Variants in PCSK5 observed in about 807,000 individuals in gnomAD.
The protein encoded by PCSK5 is prohormone convertase 5.
A neutral mutation model predicts 233.2 loss-of-function variants in PCSK5; 129 were observed. That is an observed-to-expected ratio of 0.55 (90% CI 0.48 to 0.64). PCSK5 has a LOEUF of 0.64. Among genes scored for constraint, PCSK5 ranks in the 30% least tolerant of loss-of-function variants. The pLI is 0.00. For synonymous variants in PCSK5, 825 were observed against 879.2 expected, an observed-to-expected ratio of 0.94 and a Z score of 1.09; for missense variants, 2,076 against 2,430.1, an observed-to-expected ratio of 0.85 and a Z score of 3.06.
chr9:76,048,915 G>T (rs575658068), intron 5 of PCSK5, among the ~76,000 whole-genome samples: 1 of 152,110 alleles, frequency 6.6e-6, no homozygotes, highest in African/African-American at 2.4e-5. Context: ...AAATCATAGC[G>T]AGTGGAGGTA....
chr9:76,041,843 GAAAAAAA>G (rs66491707), intron 5 of PCSK5, among the ~76,000 whole-genome samples: 1 of 131,026 alleles, frequency 7.6e-6, no homozygotes, highest in African/African-American at 2.7e-5. Flanking sequence ...TGTCTCAAGG[GAAAAAAA>G]AAAAAAAAAG....
At chr9:76,078,970 T>C (rs1830735976) in intron 7 of PCSK5, among the ~76,000 whole-genome samples, 1 of 152,190 alleles carries the variant, frequency 6.6e-6, no homozygotes, top group Non-Finnish European at 1.5e-5. Context: ...GAATGTTTTT[T>C]CTATTTGTTT....
intron 1 of PCSK5, among the ~76,000 whole-genome samples, chr9:75,920,409 C>G (rs1823201990): frequency 6.6e-6 from 1 of 152,128 alleles, no homozygotes. Flanking sequence ...CTGCCTCGGC[C>G]TCCCAAAGTG....
chr9:76,167,642 G>A (rs909468522), intron 12 of PCSK5, among the ~76,000 whole-genome samples: 5 of 152,110 alleles, frequency 3.3e-5, no homozygotes, highest in South Asian at 2.1e-4. Flanking sequence ...GATAAAATAC[G>A]TTTTTAAAAA....
intron 10 of PCSK5, among the ~76,000 whole-genome samples, chr9:76,152,795 TAG>T (rs550992502): frequency 1.5e-3 from 221 of 152,352 alleles, no homozygotes; most frequent in Non-Finnish European, 2.5e-3. Context: ...ATCTTTAGAA[TAG>T]AGTCTTTTAG....
chr9:76,225,450 T>C (rs1380014272), intron 20 of PCSK5, among the ~76,000 whole-genome samples: 1 of 152,162 alleles, frequency 6.6e-6, no homozygotes, highest in African/African-American at 2.4e-5. Context: ...GAAAGATACA[T>C]AGATATCATC....
intron 5 of PCSK5, among the ~76,000 whole-genome samples, chr9:76,047,044 G>A (rs1829439619): frequency 6.6e-6 from 1 of 152,074 alleles, no homozygotes; most frequent in African/African-American, 2.4e-5. Flanking sequence ...GCCAAAACAG[G>A]TAATATGTCA....
chr9:76,200,471 G>T (rs1220385014), intron 20 of PCSK5, among the ~76,000 whole-genome samples: 1 of 152,100 alleles, frequency 6.6e-6, no homozygotes, highest in Non-Finnish European at 1.5e-5. Context: ...ACATTTTATG[G>T]TTCGTTACTT....
chr9:75,938,306 GA>G (rs1157738454), intron 2 of PCSK5, among the ~76,000 whole-genome samples: 5 of 152,164 alleles, frequency 3.3e-5, no homozygotes, highest in African/African-American at 1.2e-4. Flanking sequence ...GGGAGAGGGA[GA>G]GAGATGGTGA....
In PCSK5 at chr9:76,351,533, G is replaced by GAAAGAGAAAGAAAGAAAGA. The variant is rs1354864321; in HGVS notation, c.5067+607_5067+608insAGAGAAAGAAAGAAAGAAA. Among the ~76,000 whole-genome samples, 10 of 15,850 alleles carry GAAAGAGAAAGAAAGAAAGA rather than the reference G, an allele frequency of 6.3e-4. 3 individuals carry two copies. The highest frequency in any genetic ancestry group is 2.4e-3 in the Non-Finnish European group (9 of 3,724). The allele number at this position is 15,850 out of a possible 152,430, so 10.4% of individuals were successfully genotyped here. On this transcript the variant is annotated intron_variant, in intron 36 of 37. Transcript: ENST00000674117. Reference sequence around the variant, plus strand: ...GAAAGAAAGAAAGAAAGAAAGAAAGGAAGGAAAGAAAGAGAAAGAAGAGAG... The same window carrying GAAAGAGAAAGAAAGAAAGA: ...GAAAGAAAGAAAGAAAGAAAGAAAGGAAAGAGAAAGAAAGAAAGAAAGGAAAGAAAGAGAAAGAAGAGAG...
chr9:76,131,374 T>G (rs1462808133), intron 9 of PCSK5, among the ~76,000 whole-genome samples: 1 of 152,128 alleles, frequency 6.6e-6, no homozygotes, highest in Non-Finnish European at 1.5e-5. Flanking sequence ...GTTTTTCAAT[T>G]TATCTTCTTT....
intron 34 of PCSK5, among the ~76,000 whole-genome samples, chr9:76,335,959 C>CT (rs1384403706): frequency 1.3e-5 from 2 of 152,134 alleles, no homozygotes; most frequent in Non-Finnish European, 2.9e-5. Context: ...CATGGCAGAG[C>CT]CAGGATTAAA....
Position 76,174,258 on chromosome 9 carries a change from C to G in PCSK5, c.1757-728C>G, listed in dbSNP as rs1010302586. On this transcript the variant is annotated intron_variant, in intron 13 of 37. Coordinates refer to ENST00000674117, the MANE Select transcript of PCSK5 (RefSeq NM_001372043.1). ...GACCGATACCAGGAATTAGGGAGAA[C>G]AAAGAGTTGTTCTGTCTACTTATTA... 9.9e-5 allele frequency among the ~76,000 whole-genome samples: 15 copies of G among 151,734 alleles called. No individual in the cohort carries two copies. The East Asian group carries it at 2.5e-3, about 26-fold the overall frequency.
chr9:76,213,413 C>T (rs111724256), intron 20 of PCSK5, among the ~76,000 whole-genome samples: 41 of 152,226 alleles, frequency 2.7e-4, no homozygotes, highest in Non-Finnish European at 5.3e-4. Context: ...TCCCTGGGGA[C>T]AGGGTAAATA....
chr9:75,945,361 G>A (rs1013979006), intron 2 of PCSK5, among the ~76,000 whole-genome samples: 1 of 151,724 alleles, frequency 6.6e-6, no homozygotes. Flanking sequence ...CCTTTCCCTC[G>A]TTTCTCCTCA....
chr9:76,053,728 C>A (rs1418612154), intron 5 of PCSK5, among the ~76,000 whole-genome samples: 2 of 152,142 alleles, frequency 1.3e-5, no homozygotes, highest in Non-Finnish European at 2.9e-5. Flanking sequence ...TTAGTCAAAG[C>A]CATTCAACAT....
intron 4 of PCSK5, among the ~76,000 whole-genome samples, chr9:76,024,160 C>T (rs1828321325): frequency 6.6e-6 from 1 of 152,216 alleles, no homozygotes; most frequent in South Asian, 2.1e-4. Flanking sequence ...GCAACATTCG[C>T]TGTTCTCAAC....
intron 12 of PCSK5, among the ~76,000 whole-genome samples, chr9:76,160,774 T>C (rs1822819179): frequency 6.6e-6 from 1 of 151,880 alleles, no homozygotes; most frequent in Non-Finnish European, 1.5e-5. Flanking sequence ...GATATCTTTT[T>C]TTTTTTTCTT....
chr9:76,302,281 T>A, intron 28 of PCSK5, 64 bp downstream of exon 28: 2 of 737,180 alleles, frequency 2.7e-6, no homozygotes, highest in Non-Finnish European at 4.0e-6. Context: ...ATGGTCTCCG[T>A]GGAGAAATCA....
Sources: gnomAD v4.1 joint callset for allele counts (sites outside exome capture counted in the v4.1 genomes callset) on GRCh38, gnomAD v4.1.1 for gene constraint, MANE v1.5 for transcripts, NCBI Gene and HGNC (gene_info 2026-07-23, HGNC 2026-07-21) for gene names.